Variants in ZC3HAV1 observed in about 807,000 individuals in gnomAD.
The protein encoded by ZC3HAV1 is zinc finger CCCH-type containing, antiviral 1, also known as zinc finger CCCH-type antiviral protein 1.
Under a neutral mutation model 86.6 loss-of-function variants are expected in ZC3HAV1, and 41 were observed. The ratio of observed to expected loss-of-function variants is 0.47; its 90% CI spans 0.37 to 0.61. ZC3HAV1 has a LOEUF of 0.61. Ranked by LOEUF, ZC3HAV1 falls within the 20% of genes least tolerant of loss-of-function variation. The pLI is 0.00. For synonymous variants in ZC3HAV1, 421 were observed against 432.1 expected (o/e 0.97, Z 0.32); for missense variants, 964 against 1,141.1 (o/e 0.84, Z 2.24).
At chr7:139,081,308 G>A (rs907267133) in intron 3 of ZC3HAV1, among the ~76,000 whole-genome samples, 19 of 152,108 alleles carry the variant, frequency 1.2e-4, no homozygotes, top group Middle Eastern at 3.4e-3. Flanking sequence ...GTGGGGAAGG[G>A]GTAGAAGAGA....
At chr7:139,105,456 A>C (rs1446302026) in intron 1 of ZC3HAV1, among the ~76,000 whole-genome samples, 1 of 152,220 alleles carries the variant, frequency 6.6e-6, no homozygotes, top group African/African-American at 2.4e-5. Context: ...TTATTTTTGC[A>C]TCAGAAGTGG....
rs1817985775 is a variant in ZC3HAV1, at chr7:139,108,019, GTGATGACAGAT to G, written c.308+994_308+1004del. ...AAAGAGACTTCACAAAAAGGACTTG[GTGATGACAGAT>G]TGTGAGGAGGATTAAAACCCTGCCT... On this transcript the variant is annotated intron_variant, in intron 1 of 12. Coordinates refer to ENST00000242351, the MANE Select transcript of ZC3HAV1 (RefSeq NM_020119.4). This position sits in a 1 kb window ranked among gnomAD's most constrained non-coding sequence, Gnocchi z 4.2. 6.6e-6 allele frequency among the ~76,000 whole-genome samples: 1 copy of G among 152,128 alleles called. No homozygotes were observed. The highest frequency in any genetic ancestry group is 2.4e-5 in the African/African-American group (1 of 41,424).
At chr7:139,078,715 C>T in intron 4 of ZC3HAV1, 62 bp from the exon 5 acceptor site, 1 of 1,209,510 alleles carries the variant, frequency 8.3e-7, no homozygotes, top group Admixed American at 2.8e-5. Flanking sequence ...AATCAAAGCA[C>T]TTGGTCTCAC....
At chr7:139,051,893 T>C (rs776566606) in intron 12 of ZC3HAV1, among the ~76,000 whole-genome samples, 1 of 152,188 alleles carries the variant, frequency 6.6e-6, no homozygotes, top group Non-Finnish European at 1.5e-5. Context: ...AATTTAATCC[T>C]AGTTGTATGA....
intron 9 of ZC3HAV1, among the ~76,000 whole-genome samples, chr7:139,058,116 T>C (rs12666931): frequency 0.44 from 65,849 of 150,678 alleles, 15,367 homozygotes; most frequent in East Asian, 0.68. Context: ...CTTGGGCTAG[T>C]GAGAGCAGGA....
Position 139,079,784 on chromosome 7 carries a change from G to T in ZC3HAV1, c.1157C>A (p.Ser386Tyr), listed in dbSNP as rs1345765798. The change falls in exon 4 of 13, where the codon TCT becomes TAT. Residue 386 changes from serine to tyrosine, a missense_variant. Ser to Tyr is a moderately radical substitution (Grantham distance 144). Coordinates refer to ENST00000242351, the MANE Select transcript of ZC3HAV1 (RefSeq NM_020119.4). ...VFSPTLPAARSSLGSLQTPEA... is the reference protein window; with the variant it reads ...VFSPTLPAARYSLGSLQTPEA... ...AGGTGTTTGCAGAGAGCCAAGAGAA[G>T]AGCGGGCGGCAGGTAGCGTGGGAGA... 1 of 1,614,194 alleles carries T rather than the reference G, an allele frequency of 6.2e-7. No individual in the cohort carries two copies. Among genetic ancestry groups the T allele is most frequent in the Non-Finnish European group, 8.5e-7 (1 of 1,180,044 alleles).
intron 1 of ZC3HAV1, among the ~76,000 whole-genome samples, chr7:139,101,509 G>T (rs1817769705): frequency 9.6e-6 from 1 of 104,228 alleles, no homozygotes; most frequent in Non-Finnish European, 1.9e-5. Context: ...CGTCTGGGAG[G>T]TGTACCCAAC....
At position 139,073,505 on chromosome 7, in the gene ZC3HAV1, T is replaced by G. The variant is rs115261362; in HGVS notation, c.1872+351A>C. On this transcript the variant is annotated intron_variant, in intron 7 of 12. Coordinates refer to ENST00000242351, the MANE Select transcript of ZC3HAV1 (RefSeq NM_020119.4). ...CTTTTTATTTTATTTATTTATTTATTTTGGAGACAGAGTCTCAATCCATCC... is the reference window on the plus strand; with the variant it reads ...CTTTTTATTTTATTTATTTATTTATGTTGGAGACAGAGTCTCAATCCATCC... Among the ~76,000 whole-genome samples, 1,125 of 152,100 alleles carry G rather than the reference T, an allele frequency of 7.4e-3. 18 individuals carry two copies. The highest frequency in any genetic ancestry group is 0.026 in the African/African-American group (1,063 of 41,464).
chr7:139,052,242 T>C lies in ZC3HAV1; in HGVS notation c.2449+1209A>G, dbSNP rs184095870. Among the ~76,000 whole-genome samples, 17 of 151,072 alleles carry C rather than the reference T, an allele frequency of 1.1e-4. No homozygotes were observed. The East Asian group carries it at 3.3e-3, about 30-fold the overall frequency. On this transcript the variant is annotated intron_variant, in intron 12 of 12. Coordinates refer to ENST00000242351, the MANE Select transcript of ZC3HAV1 (RefSeq NM_020119.4). ...GTGCTGCACCCATTAACTCGTCACG[T>C]AGCATTAGGTATATCTCCTAATGCT...
At chr7:139,070,643 G>A (rs34855400) in intron 7 of ZC3HAV1, among the ~76,000 whole-genome samples, 4 of 127,820 alleles carry the variant, frequency 3.1e-5, no homozygotes, top group Non-Finnish European at 6.2e-5. Context: ...CAGCCTGGGC[G>A]ACAGAGCGAG....
At chr7:139,091,426 C>G (rs984810020) in intron 1 of ZC3HAV1, among the ~76,000 whole-genome samples, 2 of 152,014 alleles carry the variant, frequency 1.3e-5, no homozygotes, top group African/African-American at 4.8e-5. Flanking sequence ...CGAGATCGCG[C>G]CACTGCACTC....
At chr7:139,099,459 A>C (rs745329440) in intron 1 of ZC3HAV1, among the ~76,000 whole-genome samples, 6 of 152,236 alleles carry the variant, frequency 3.9e-5, no homozygotes, top group South Asian at 2.1e-4. Flanking sequence ...ACATATTATT[A>C]GATCCCATTT....
At chr7:139,083,495 G>A (rs1044729951) in intron 3 of ZC3HAV1, among the ~76,000 whole-genome samples, 5 of 152,086 alleles carry the variant, frequency 3.3e-5, no homozygotes, top group Admixed American at 3.3e-4. Flanking sequence ...TTGAAAGGCT[G>A]AGGCAGGGAG....
At chr7:139,064,023 G>A (rs192499759) in intron 8 of ZC3HAV1, among the ~76,000 whole-genome samples, 34 of 152,320 alleles carry the variant, frequency 2.2e-4, no homozygotes, top group Admixed American at 1.6e-3. Context: ...TCCTAAGAAA[G>A]GTTCCTAAGG....
At chr7:139,059,614 CAA>C (rs57613588) in intron 9 of ZC3HAV1, among the ~76,000 whole-genome samples, 11 of 110,080 alleles carry the variant, frequency 1.0e-4, no homozygotes, top group East Asian at 2.3e-4. Flanking sequence ...AAGACTCTGT[CAA>C]AAAAAAAAAA....
Position 139,093,200 on chromosome 7 carries a change from C to T in ZC3HAV1, c.309-3441G>A, listed in dbSNP as rs545829904. Among the ~76,000 whole-genome samples the T allele has an allele frequency of 4.6e-5, 7 of 152,178 alleles. No homozygotes were observed. In the South Asian group the frequency reaches 6.2e-4, roughly 14 times the overall value. On this transcript the variant is annotated intron_variant, in intron 1 of 12. Transcript: ENST00000242351. ...TAAGAGGAAGATCCAGGAATGAACA[C>T]GCATCCCAAAACACAAGCAAAAACC...
intron 2 of ZC3HAV1, among the ~76,000 whole-genome samples, chr7:139,086,872 G>A (rs1250521991): frequency 6.6e-6 from 1 of 152,174 alleles, no homozygotes; most frequent in Non-Finnish European, 1.5e-5. Flanking sequence ...CACCACGATT[G>A]TAAGCTTCAT....
chr7:139,091,450 A>G (rs1817432960), intron 1 of ZC3HAV1, among the ~76,000 whole-genome samples: 1 of 152,086 alleles, frequency 6.6e-6, no homozygotes, highest in African/African-American at 2.4e-5. Context: ...CCTGGGCGAC[A>G]GAGCAAGACT....
chr7:139,066,005 G>A (rs1182442697), intron 7 of ZC3HAV1, among the ~76,000 whole-genome samples: 1 of 152,138 alleles, frequency 6.6e-6, no homozygotes, highest in Non-Finnish European at 1.5e-5. Context: ...AGAATGTGTA[G>A]GTAAAAGGGA....
Sources: gnomAD v4.1 joint callset for allele counts (sites outside exome capture counted in the v4.1 genomes callset) on GRCh38, gnomAD v4.1.1 for gene constraint, Gnocchi (gnomAD v3.1) non-coding constraint, MANE v1.5 for transcripts, NCBI Gene and HGNC (gene_info 2026-07-23, HGNC 2026-07-21) for gene names.